TENM4: variants seen among roughly 807,000 people sequenced by gnomAD.
TENM4 encodes teneurin-4.
Under a neutral mutation model 243.3 loss-of-function variants are expected in TENM4, and 82 were observed. The ratio of observed to expected loss-of-function variants is 0.34; its 90% CI spans 0.28 to 0.40. The LOEUF is 0.40. Among genes scored for constraint, TENM4 ranks in the 10% least tolerant of loss-of-function variants. TENM4 has a pLI of 1.00. For missense variants in TENM4, 3,138 were observed against 3,673.3 expected (o/e 0.85, Z 3.77); for synonymous variants, 1,412 against 1,456.3 (o/e 0.97, Z 0.69).
chr11:78,801,010 T>G (rs1857270067), intron 15 of TENM4, among the ~76,000 whole-genome samples: 1 of 152,192 alleles, frequency 6.6e-6, no homozygotes, highest in South Asian at 2.1e-4. Context: ...AGGACTTAGT[T>G]CAGTGCCTGG....
At chr11:79,049,462 G>A (rs4573697) in intron 6 of TENM4, among the ~76,000 whole-genome samples, 152,144 of 152,330 alleles carry the variant, frequency 1, 75,983 homozygotes, top group Middle Eastern at 1. Flanking sequence ...TGCTAGGGCC[G>A]CTCACTAATC....
At chr11:79,287,483 T>A (rs1856277387) in intron 2 of TENM4, among the ~76,000 whole-genome samples, 1 of 152,180 alleles carries the variant, frequency 6.6e-6, no homozygotes, top group African/African-American at 2.4e-5. Context: ...ATATCCATGT[T>A]CTGTAGATCA....
At chr11:79,401,673 A>G (rs1182116391) in intron 1 of TENM4, among the ~76,000 whole-genome samples, 1 of 152,204 alleles carries the variant, frequency 6.6e-6, no homozygotes, top group African/African-American at 2.4e-5. Context: ...TATACATTTG[A>G]TAGGCTCCCC....
chr11:78,755,460 C>T (rs767471004), intron 19 of TENM4, among the ~76,000 whole-genome samples: 19 of 152,178 alleles, frequency 1.2e-4, no homozygotes, highest in South Asian at 2.1e-4. Context: ...TGAGCCACTG[C>T]GCCCAGCCTC....
Position 78,855,972 on chromosome 11 carries a change from G to A in TENM4, c.1462C>T (p.His488Tyr). ...TGTGGGGTTCTGGTTACCTGTGTAT[G>A]TGAAGGAGGGAGGCCTTTTCTGCCA... ...IYGRKGLPPS[H>Y]TQFDFVELLD... The change falls in exon 11 of 34, where the codon CAT becomes TAT. Residue 488 changes from histidine (H) to tyrosine (Y), a missense_variant. Coordinates refer to ENST00000278550, the MANE Select transcript of TENM4 (RefSeq NM_001098816.3). The A allele has an allele frequency of 6.4e-7, 1 of 1,551,450 alleles. No individual in the cohort carries two copies. Among genetic ancestry groups the A allele is most frequent in the Non-Finnish European group, 8.7e-7 (1 of 1,146,990 alleles).
At chr11:78,848,840 G>A (rs1858462689) in intron 12 of TENM4, among the ~76,000 whole-genome samples, 1 of 149,384 alleles carries the variant, frequency 6.7e-6, no homozygotes, top group South Asian at 2.1e-4. Context: ...AGGAAGGAAG[G>A]AAGGAAGGAG....
chr11:78,901,250 CAT>C (rs1408100462), intron 7 of TENM4, among the ~76,000 whole-genome samples: 24 of 152,214 alleles, frequency 1.6e-4, no homozygotes, highest in African/African-American at 5.5e-4. Flanking sequence ...TATATACCTA[CAT>C]GTTAACAATG....
rs200129089 is a variant in TENM4, at chr11:78,729,431, A to T, written c.3351T>A (p.Ile1117=). The change falls in exon 22 of 34, where the codon ATT becomes ATA. Residue 1117 remains isoleucine, a synonymous_variant. Transcript: ENST00000278550. ...GGTTGTAGACGTCTGTCTTGTCCCA[A>T]ATGAAATAATAGGACAGGTCTGGGG... ...AAAPDLSYYF[I]WDKTDVYNQK... is the part of the protein sequence containing the mutation. The T allele has an allele frequency of 1.1e-5, 17 of 1,598,272 alleles. No individual in the cohort carries two copies. The African/African-American group carries it at 2.3e-4, about 21-fold the overall frequency.
rs568770315 is a variant in TENM4 at position 78,920,940 on chromosome 11, C to A, written c.494-17417G>T. On this transcript the variant is annotated intron_variant, in intron 6 of 33. Transcript: ENST00000278550. ...AGCCTCCTGTGTGCCGGGCTCTGTGCTAGGTACTTTAAATCTGGGCTTTCT... is the reference window on the plus strand; with the variant it reads ...AGCCTCCTGTGTGCCGGGCTCTGTGATAGGTACTTTAAATCTGGGCTTTCT... 3.0e-4 allele frequency among the ~76,000 whole-genome samples: 46 copies of A among 152,280 alleles called. No individual in the cohort carries two copies. In the Middle Eastern group the frequency reaches 0.01, roughly 34 times the overall value.
At chr11:79,164,683 G>A (rs375691515) in intron 3 of TENM4, among the ~76,000 whole-genome samples, 1 of 150,300 alleles carries the variant, frequency 6.7e-6, no homozygotes, top group African/African-American at 2.5e-5. Flanking sequence ...AGGGACACAG[G>A]GGGAGGTATT....
chr11:78,858,390 T>G (rs1858731349), intron 10 of TENM4, among the ~76,000 whole-genome samples: 1 of 151,982 alleles, frequency 6.6e-6, no homozygotes, highest in Non-Finnish European at 1.5e-5. Flanking sequence ...TGAACTCTGC[T>G]CTGGGGCATA....
chr11:79,173,076 A>C (rs1863082960), intron 3 of TENM4, among the ~76,000 whole-genome samples: 1 of 152,228 alleles, frequency 6.6e-6, no homozygotes, highest in Non-Finnish European at 1.5e-5. Context: ...TACTGTACCA[A>C]GAATCAAAAA....
At chr11:79,429,988 G>A (rs894840530) in intron 1 of TENM4, among the ~76,000 whole-genome samples, 2 of 152,144 alleles carry the variant, frequency 1.3e-5, no homozygotes, top group African/African-American at 2.4e-5. Context: ...GGGAGTTGTA[G>A]CTGATGACAA....
In TENM4 at chr11:79,365,339, G is replaced by A. The variant is rs1206479354; in HGVS notation, c.-320-67796C>T. On this transcript the variant is annotated intron_variant, in intron 1 of 33. Coordinates refer to ENST00000278550, the MANE Select transcript of TENM4 (RefSeq NM_001098816.3). ...CTTCCTCCTCCTTAGGCCCATCATG[G>A]CCCCTAAAAAATCAGACAGCCGAAA... 3.9e-5 allele frequency among the ~76,000 whole-genome samples: 6 copies of A among 152,138 alleles called. No individual in the cohort carries two copies. The East Asian group carries it at 1.2e-3, about 29-fold the overall frequency.
At position 78,794,063 on chromosome 11, in the gene TENM4, T is replaced by C. The variant is rs117170670; in HGVS notation, c.2180-6980A>G. ...TCCGTCTGTTCATCCTCCATCCAAC[T>C]GTCTGCTCATCCATCAGCCCATCTA... On this transcript the variant is annotated intron_variant, in intron 15 of 33. Transcript: ENST00000278550. 5.3e-4 allele frequency among the ~76,000 whole-genome samples: 81 copies of C among 152,372 alleles called. 1 individual carries two copies. In the East Asian group the frequency reaches 0.015, roughly 28 times the overall value.
chr11:79,373,826 G>A (rs1251985717), intron 1 of TENM4, among the ~76,000 whole-genome samples: 2 of 152,100 alleles, frequency 1.3e-5, no homozygotes, highest in Admixed American at 1.3e-4. Flanking sequence ...AGAGTCAAAA[G>A]TAAGCCCCAA....
intron 12 of TENM4, among the ~76,000 whole-genome samples, chr11:78,840,281 C>T (rs1486280380): frequency 6.6e-6 from 1 of 152,100 alleles, no homozygotes; most frequent in African/African-American, 2.4e-5. Flanking sequence ...CAAAATTATA[C>T]AGTCCATCCC....
intron 1 of TENM4, among the ~76,000 whole-genome samples, chr11:79,318,259 C>G (rs530128068): frequency 5.1e-4 from 78 of 152,278 alleles, no homozygotes; most frequent in Admixed American, 3.1e-3. Flanking sequence ...AAGGCACTAT[C>G]CTAAACCATG....
intron 30 of TENM4, among the ~76,000 whole-genome samples, chr11:78,675,382 C>T (rs983853506): frequency 6.6e-6 from 1 of 152,214 alleles, no homozygotes; most frequent in African/African-American, 2.4e-5. Flanking sequence ...TTCATCTCAG[C>T]AGGTATCTCC....
Sources: gnomAD v4.1 joint callset for allele counts (sites outside exome capture counted in the v4.1 genomes callset) on GRCh38, gnomAD v4.1.1 for gene constraint, MANE v1.5 for transcripts, NCBI Gene and HGNC (gene_info 2026-07-23, HGNC 2026-07-21) for gene names.